PKN2: variants seen among roughly 807,000 people sequenced by gnomAD.
PKN2 encodes serine/threonine-protein kinase N2.
In PKN2, 38 loss-of-function variants were observed where a neutral mutation model predicts 119.1. That is an observed-to-expected ratio of 0.32 (90% CI 0.25 to 0.42). The LOEUF (loss-of-function observed/expected upper bound fraction) is 0.42. PKN2 is among the 10% of genes least tolerant of loss of function. The probability of loss-of-function intolerance (pLI) is 1.00; values close to 1 mark genes in which losing one functional copy is unlikely to be tolerated. For synonymous variants in PKN2, 390 were observed against 384.9 expected (o/e 1.01, Z -0.15); for missense variants, 850 against 1,165.1 (o/e 0.73, Z 3.94).
At chr1:88,735,602 A>C (rs921497251) in intron 1 of PKN2, among the ~76,000 whole-genome samples, 1,778 of 50,876 alleles carry the variant, frequency 0.035, 1 homozygote, top group Non-Finnish European at 0.047. Flanking sequence ...TTGACAGCCC[A>C]CCCCCCCCCC....
intron 8 of PKN2, among the ~76,000 whole-genome samples, chr1:88,795,662 C>T (rs573594207): frequency 6.6e-6 from 1 of 152,302 alleles, no homozygotes; most frequent in East Asian, 1.9e-4. Flanking sequence ...TTTTCTCAGG[C>T]CACACAGCTA....
At chr1:88,722,719 A>C (rs1167074914) in intron 1 of PKN2, among the ~76,000 whole-genome samples, 1 of 151,618 alleles carries the variant, frequency 6.6e-6, no homozygotes, top group Non-Finnish European at 1.5e-5. Context: ...AGGGGTTGAG[A>C]CTGCAGTGAG....
At chr1:88,741,339 G>T in intron 2 of PKN2, 51 bp downstream of exon 2, 1 of 1,178,036 alleles carries the variant, frequency 8.5e-7, no homozygotes, top group Non-Finnish European at 1.1e-6. Flanking sequence ...TAAAAAAAAT[G>T]TATCTTTTTA....
chr1:88,816,561 T>C (rs1672004593), intron 16 of PKN2, among the ~76,000 whole-genome samples: 2 of 152,244 alleles, frequency 1.3e-5, no homozygotes, highest in Admixed American at 1.3e-4. Context: ...TAAGCAATTT[T>C]AAGCTCACGT....
At chr1:88,761,039 T>G (rs893194747) in intron 3 of PKN2, among the ~76,000 whole-genome samples, 1 of 152,210 alleles carries the variant, frequency 6.6e-6, no homozygotes, top group Non-Finnish European at 1.5e-5. Flanking sequence ...GCGTCATCAA[T>G]AATTGCTTGG....
Position 88,784,812 on chromosome 1 carries a change from G to T in PKN2, c.1159G>T (p.Asp387Tyr). Residue 387 changes from aspartate (D) to tyrosine (Y), a missense_variant, in exon 7 of 22, where the codon GAT (aspartate) becomes TAT (tyrosine). By Grantham distance (160) the Asp-to-Tyr change is radical. Coordinates refer to ENST00000370521, the MANE Select transcript of PKN2 (RefSeq NM_006256.4). ...SGSSRNLLKT[D>Y]DLSNDVCAVL... ...AAGTAGTCGAAATCTTCTAAAAACC[G>T]ATGACTTGTCCAGTTCAGTAACCAG... The T allele has an allele frequency of 6.2e-7, 1 of 1,606,830 alleles. No homozygotes were observed.
chr1:88,796,087 C>T (rs1671052301), intron 8 of PKN2, among the ~76,000 whole-genome samples: 1 of 152,142 alleles, frequency 6.6e-6, no homozygotes, highest in Admixed American at 6.5e-5. Context: ...CAGTGCTTTT[C>T]TTTTTAGCAA....
At chr1:88,705,702 A>AAT (rs149246965) in intron 1 of PKN2, among the ~76,000 whole-genome samples, 130 of 150,248 alleles carry the variant, frequency 8.7e-4, no homozygotes, top group East Asian at 4.9e-3. Context: ...GGTCTGCAAA[A>AAT]ATATATATAT....
intron 2 of PKN2, among the ~76,000 whole-genome samples, chr1:88,756,148 G>A (rs1283557957): frequency 3.3e-5 from 5 of 151,820 alleles, no homozygotes; most frequent in Admixed American, 6.6e-5. Context: ...CACCTGCCTC[G>A]GCCTCCCAAA....
chr1:88,688,902 C>T (rs1016220351), intron 1 of PKN2, among the ~76,000 whole-genome samples: 5 of 152,174 alleles, frequency 3.3e-5, no homozygotes, highest in Admixed American at 1.3e-4. Context: ...TATGAAATTA[C>T]GTAGTTTTCT....
At chr1:88,771,360 A>T in intron 4 of PKN2, 61 bp from the exon 5 acceptor site, 2 of 1,265,248 alleles carry the variant, frequency 1.6e-6, no homozygotes, top group Non-Finnish European at 2.2e-6. Flanking sequence ...TCATGATTTT[A>T]ATCACTGCAA....
At chr1:88,710,418 T>C (rs1553147165) in intron 1 of PKN2, among the ~76,000 whole-genome samples, 1 of 152,194 alleles carries the variant, frequency 6.6e-6, no homozygotes, top group Non-Finnish European at 1.5e-5. Flanking sequence ...CTATGGTATT[T>C]TTACATGTAA....
At chr1:88,824,848 A>G (rs1323744946) in intron 18 of PKN2, among the ~76,000 whole-genome samples, 2 of 152,264 alleles carry the variant, frequency 1.3e-5, no homozygotes, top group Non-Finnish European at 2.9e-5. Flanking sequence ...CAGAGGTAAC[A>G]TAAGAAAGGA....
At chr1:88,751,152 TTTTTTACCTCTC>T (rs1472244039) in intron 2 of PKN2, among the ~76,000 whole-genome samples, 4 of 152,118 alleles carry the variant, frequency 2.6e-5, no homozygotes, top group Admixed American at 6.6e-5. Context: ...TATGTTTTCT[TTTTTTACCTCTC>T]TTTTTACCTC....
At chr1:88,757,990 G>A (rs1164570173) in intron 2 of PKN2, among the ~76,000 whole-genome samples, 6 of 119,494 alleles carry the variant, frequency 5.0e-5, no homozygotes, top group African/African-American at 1.7e-4. Flanking sequence ...GCAGTGAGCC[G>A]AAATCACACC....
intron 6 of PKN2, among the ~76,000 whole-genome samples, chr1:88,774,986 G>T (rs1670035761): frequency 1.3e-5 from 2 of 152,308 alleles, no homozygotes; most frequent in Admixed American, 1.3e-4. Context: ...TGGGATTATA[G>T]GCGTGAGCCA....
At position 88,715,473 on chromosome 1, in the gene PKN2, A is replaced by G. The variant is rs377633398; in HGVS notation, c.49-25515A>G. On this transcript the variant is annotated intron_variant, in intron 1 of 21. Transcript: ENST00000370521. Reference sequence around the variant, plus strand: ...TGTTATTGGTCTATTCAGGGATTCAACTTCTTCCTGGTTTAGTCTTGGGAG... The same window carrying G: ...TGTTATTGGTCTATTCAGGGATTCAGCTTCTTCCTGGTTTAGTCTTGGGAG... Among the ~76,000 whole-genome samples the G allele has an allele frequency of 5.9e-5, 9 of 152,230 alleles. No homozygotes were observed. In the South Asian group the frequency reaches 6.2e-4, roughly 11 times the overall value.
intron 1 of PKN2, among the ~76,000 whole-genome samples, chr1:88,715,847 G>T (rs1667427315): frequency 6.6e-6 from 1 of 152,110 alleles, no homozygotes; most frequent in African/African-American, 2.4e-5. Context: ...TTTTGAATGT[G>T]TTTGCTCTTG....
rs758670147 is a variant in PKN2 at position 88,805,619 on chromosome 1, A to G, written c.1624A>G (p.Thr542Ala). 10 of 1,613,988 alleles carry G rather than the reference A, an allele frequency of 6.2e-6. No homozygotes were observed. In the Admixed American group the frequency reaches 1.3e-4, roughly 22 times the overall value. ...GTFSPQAPVPTTVPVVDVRIP... is the reference protein window; with the variant it reads ...GTFSPQAPVPATVPVVDVRIP... ...CTTCAGCCCTCAAGCTCCTGTGCCT[A>G]CTACAGTGCCAGTGGTTGATGTACG... Residue 542 changes from threonine to alanine, a missense_variant, in exon 11 of 22, where the codon ACT becomes GCT. Thr to Ala is a moderately conservative substitution (Grantham distance 58). This residue lies in a region of PKN2 where 216 missense variants were observed against 252.8 expected (regional missense o/e 0.85). Coordinates refer to ENST00000370521, the MANE Select transcript of PKN2 (RefSeq NM_006256.4).
Sources: allele counts gnomAD v4.1 joint callset (sites outside exome capture counted in the v4.1 genomes callset), GRCh38; gene constraint gnomAD v4.1.1; regional missense constraint gnomAD v4.1.1; transcripts MANE v1.5; gene names NCBI Gene and HGNC (gene_info 2026-07-23, HGNC 2026-07-21).